Variants in BCLAF1 observed in about 807,000 individuals in gnomAD.
BCLAF1 encodes the protein BCL2 associated transcription factor 1, also known as bcl-2-associated transcription factor 1.
A neutral mutation model predicts 99.5 loss-of-function variants in BCLAF1; 10 were observed. The observed-to-expected ratio is 0.10, with a 90% CI of 0.06 to 0.17. BCLAF1 has a LOEUF of 0.17. Ranked by LOEUF, BCLAF1 falls within the 10% of genes least tolerant of loss-of-function variation. The pLI is 1.00. For missense variants in BCLAF1, 636 were observed against 1,105.8 expected, an observed-to-expected ratio of 0.58 and a Z score of 6.02; for synonymous variants, 255 against 370.9, an observed-to-expected ratio of 0.69 and a Z score of 3.59.
At position 136,268,299 on chromosome 6, in the gene BCLAF1, A is replaced by T. The variant is rs958132017; in HGVS notation, c.2260T>A (p.Ser754Thr). ...REQDHSRSSSSSASPSSPSSR... is the reference protein window; with the variant it reads ...REQDHSRSSSTSASPSSPSSR... Reference sequence around the variant, plus strand: ...CTGGGAGAAGAAGGTGATGCTGAAGAGGATGAAGATCGAGAATGATCTTGC... The same window carrying T: ...CTGGGAGAAGAAGGTGATGCTGAAGTGGATGAAGATCGAGAATGATCTTGC... The change falls in exon 10 of 13, where the codon TCT becomes ACT. Residue 754 changes from serine to threonine, a missense_variant. Ser to Thr is a moderately conservative substitution (Grantham distance 58). Transcript: ENST00000531224. The T allele has an allele frequency of 6.2e-7, 1 of 1,607,802 alleles. No individual in the cohort carries two copies. Among genetic ancestry groups the T allele is most frequent in the Non-Finnish European group, 8.5e-7 (1 of 1,177,612 alleles).
chr6:136,279,233 A>G (rs980056238), intron 3 of BCLAF1, among the ~76,000 whole-genome samples: 3 of 152,178 alleles, frequency 2.0e-5, no homozygotes, highest in African/African-American at 7.2e-5. Flanking sequence ...TGGGGGAAAA[A>G]GAATGAGCAT....
In BCLAF1 at chr6:136,276,171, C is replaced by T; in HGVS notation, c.1354G>A (p.Gly452Arg). ...TTATAATTTTTTTCTTCTCTAAATC[C>T]ATCACTTTCTCTATTGCCTTTCAGT... ...VSLKGNRESDGFREEKNYKLK... is the reference protein window; with the variant it reads ...VSLKGNRESDRFREEKNYKLK... Residue 452 changes from glycine to arginine, a missense_variant, in exon 5 of 13, where the codon GGA becomes AGA. Coordinates refer to ENST00000531224, the MANE Select transcript of BCLAF1 (RefSeq NM_014739.3). 1 of 1,613,024 alleles carries T rather than the reference C, an allele frequency of 6.2e-7. No individual in the cohort carries two copies. The highest frequency in any genetic ancestry group is 8.5e-7 in the Non-Finnish European group (1 of 1,179,796).
chr6:136,263,895 A>T (rs1781367380), intron 11 of BCLAF1, among the ~76,000 whole-genome samples: 1 of 152,226 alleles, frequency 6.6e-6, no homozygotes, highest in African/African-American at 2.4e-5. Flanking sequence ...TGCATAAAAC[A>T]AAGCTTAGAG....
rs982461027 is a variant in BCLAF1, at chr6:136,284,339, T to G, written c.-114-1652A>C. 5.3e-5 allele frequency among the ~76,000 whole-genome samples: 8 copies of G among 151,918 alleles called. No individual in the cohort carries two copies. In the South Asian group the frequency reaches 8.3e-4, roughly 16 times the overall value. On this transcript the variant is annotated intron_variant, in intron 1 of 12. Coordinates refer to ENST00000531224, the MANE Select transcript of BCLAF1 (RefSeq NM_014739.3). ...CAAGTATCCACACCAATAACTCAAATAATACACAAAATGTAACACACAATA... is the reference window on the plus strand; with the variant it reads ...CAAGTATCCACACCAATAACTCAAAGAATACACAAAATGTAACACACAATA...
Position 136,260,451 on chromosome 6 carries a change from C to A in BCLAF1, c.*659G>T, listed in dbSNP as rs918466706. ...TCCTAAGAATGTTCTTTATAGGCCACTGCTTGCTTTCAGTAAAAATAACAT... is the reference window on the plus strand; with the variant it reads ...TCCTAAGAATGTTCTTTATAGGCCAATGCTTGCTTTCAGTAAAAATAACAT... On this transcript the variant is annotated 3_prime_UTR_variant, in exon 13 of 13. Coordinates refer to ENST00000531224, the MANE Select transcript of BCLAF1 (RefSeq NM_014739.3). 2 of 152,144 alleles carry A rather than the reference C, an allele frequency of 1.3e-5. No homozygotes were observed. The highest frequency in any genetic ancestry group is 4.8e-5 in the African/African-American group (2 of 41,426). 9.4% of individuals were successfully genotyped at this position (152,144 alleles called of 1,614,324 possible). A position where few individuals can be genotyped will look rare whatever the true frequency, so the allele number is the denominator to read the frequency against.
At chr6:136,265,006 CAA>C (rs1406661044) in intron 11 of BCLAF1, among the ~76,000 whole-genome samples, 1 of 152,162 alleles carries the variant, frequency 6.6e-6, no homozygotes, top group Non-Finnish European at 1.5e-5. Flanking sequence ...TTAGCAGACT[CAA>C]GAGAATGCCA....
At position 136,270,752 on chromosome 6, in the gene BCLAF1, C is replaced by A. The variant is rs562535943; in HGVS notation, c.2044-1140G>T. On this transcript the variant is annotated intron_variant, in intron 8 of 12. Coordinates refer to ENST00000531224, the MANE Select transcript of BCLAF1 (RefSeq NM_014739.3). The stretch of plus-strand genomic sequence containing the variant: ...AAAAACCAATGGCATATCCTCTTGT[C>A]TATTCATCAATTATCTCTACTTTTT... Among the ~76,000 whole-genome samples the A allele has an allele frequency of 6.6e-5, 10 of 151,940 alleles. No homozygotes were observed. In the South Asian group the frequency reaches 2.1e-3, roughly 32 times the overall value.
chr6:136,266,682 T>C (rs980438603), intron 11 of BCLAF1, among the ~76,000 whole-genome samples: 1 of 152,120 alleles, frequency 6.6e-6, no homozygotes, highest in African/African-American at 2.4e-5. Context: ...TAATGGAAGG[T>C]ACATCTTAAT....
rs751048996 is a variant in BCLAF1 at position 136,261,388 on chromosome 6, G to C, written c.2634C>G (p.Phe878Leu). ...TFQRGRGRFN[F>L]KKSGSSPKWT... ...ATTTAGGACTGCTACCTGATTTTTT[G>C]AAGTTAAAGCGCCCTCTGCCACGTT... Residue 878 changes from phenylalanine to leucine, a missense_variant, in exon 12 of 13, where the codon TTC becomes TTG. Coordinates refer to ENST00000531224, the MANE Select transcript of BCLAF1 (RefSeq NM_014739.3). 6.2e-7 allele frequency: 1 copy of C among 1,613,562 alleles called. No homozygotes were observed. The highest frequency in any genetic ancestry group is 1.3e-5 in the African/African-American group (1 of 74,850).
intron 2 of BCLAF1, among the ~76,000 whole-genome samples, chr6:136,281,270 C>T (rs1281674034): frequency 1.3e-5 from 2 of 152,048 alleles, no homozygotes; most frequent in Non-Finnish European, 2.9e-5. Context: ...TTCAAAAAGG[C>T]AAAGTAAGAA....
At chr6:136,274,945 A>G (rs1051628276) in intron 6 of BCLAF1, among the ~76,000 whole-genome samples, 6 of 152,044 alleles carry the variant, frequency 3.9e-5, no homozygotes, top group African/African-American at 1.4e-4. Flanking sequence ...TATTCATGTA[A>G]TCAGTATTTA....
chr6:136,265,661 G>C (rs1781613725), intron 11 of BCLAF1, among the ~76,000 whole-genome samples: 1 of 152,076 alleles, frequency 6.6e-6, no homozygotes, highest in Non-Finnish European at 1.5e-5. Context: ...CACTCCTTCT[G>C]CTATGTGCAG....
At chr6:136,283,099 A>G (rs1452301723) in intron 1 of BCLAF1, among the ~76,000 whole-genome samples, 7 of 146,180 alleles carry the variant, frequency 4.8e-5, no homozygotes, top group African/African-American at 1.3e-4. Context: ...GGAGTTTGAC[A>G]CTGCAATGCA....
chr6:136,280,224 C>T (rs1298797758), intron 2 of BCLAF1, among the ~76,000 whole-genome samples: 1 of 152,152 alleles, frequency 6.6e-6, no homozygotes, highest in African/African-American at 2.4e-5. Flanking sequence ...ATGCCTACCC[C>T]TCCTGTAAGA....
Position 136,258,804 on chromosome 6 carries a change from AG to A in BCLAF1, c.*2305del, listed in dbSNP as rs1422258510. On this transcript the variant is annotated 3_prime_UTR_variant, in exon 13 of 13. Transcript: ENST00000531224. ...TAACTGGAAAAAACATTTTGCTTTT[AG>A]TATAAAAATTCCTAGGATGCTGAAA... The A allele has an allele frequency of 6.6e-6, 1 of 152,518 alleles. No individual in the cohort carries two copies. The highest frequency in any genetic ancestry group is 1.5e-5 in the Non-Finnish European group (1 of 67,914). 9.4% of individuals were successfully genotyped at this position (152,518 alleles called of 1,614,324 possible).
At position 136,275,540 on chromosome 6, in the gene BCLAF1, T is replaced by G; in HGVS notation, c.1844A>C (p.His615Pro). 6.4e-7 allele frequency: 1 copy of G among 1,553,300 alleles called. No homozygotes were observed. Among genetic ancestry groups the G allele is most frequent in the Non-Finnish European group, 8.6e-7 (1 of 1,156,152 alleles). The stretch of plus-strand genomic sequence containing the variant: ...AAACATACTAAGCATACCTTTAACA[T>G]GATGAACCAAGGACACAATGTGTTG... Reference protein sequence around the residue: ...FIQHIVSLVHHVKEQYFKSAA... With the variant: ...FIQHIVSLVHPVKEQYFKSAA... Residue 615 changes from histidine (H) to proline (P), a missense_variant, in exon 6 of 13, where the codon CAT becomes CCT. Physicochemically the swap from His to Pro is moderately conservative, Grantham distance 77. Around this residue, in one of 9 missense-constraint regions of BCLAF1, gnomAD observed 180 missense variants for 270.0 expected, o/e 0.67. Transcript: ENST00000531224.
At chr6:136,264,616 G>A (rs534629467) in intron 11 of BCLAF1, among the ~76,000 whole-genome samples, 1 of 152,214 alleles carries the variant, frequency 6.6e-6, no homozygotes, top group African/African-American at 2.4e-5. Flanking sequence ...CTTTTCTTCT[G>A]AATCATATTT....
chr6:136,284,073 A>G (rs1218515938), intron 1 of BCLAF1, among the ~76,000 whole-genome samples: 2 of 149,690 alleles, frequency 1.3e-5, no homozygotes, highest in African/African-American at 5.0e-5. Flanking sequence ...ACACTTCCCT[A>G]AACAATTCCA....
chr6:136,278,994 A>AACACACACACACACACACAC (rs71006795), intron 3 of BCLAF1, among the ~76,000 whole-genome samples: 11 of 145,406 alleles, frequency 7.6e-5, no homozygotes, highest in African/African-American at 2.0e-4. Context: ...GAAGGCACAA[A>AACACACACACACACACACAC]ACACACACAC....
Sources: gnomAD v4.1 joint callset for allele counts (sites outside exome capture counted in the v4.1 genomes callset) on GRCh38, gnomAD v4.1.1 for gene constraint, gnomAD v4.1.1 regional missense constraint, MANE v1.5 for transcripts, NCBI Gene and HGNC (gene_info 2026-07-23, HGNC 2026-07-21) for gene names.